SAMHD1: variants seen among roughly 807,000 people sequenced by gnomAD.
SAMHD1 encodes the protein deoxynucleoside triphosphate triphosphohydrolase SAMHD1.
A neutral mutation model predicts 79.6 loss-of-function variants in SAMHD1; 54 were observed. That is an observed-to-expected ratio of 0.68 (90% CI 0.55 to 0.85). The LOEUF (loss-of-function observed/expected upper bound fraction) is 0.85, where lower values mean the gene tolerates loss of function less well. Ranked by LOEUF, SAMHD1 falls within the 40% of genes least tolerant of loss-of-function variation. The pLI, the probability that SAMHD1 is intolerant of heterozygous loss-of-function variation, is 0.00. For missense variants in SAMHD1, 663 were observed against 782.7 expected (o/e 0.85, Z 1.82); for synonymous variants, 260 against 264.1 (o/e 0.98, Z 0.15).
intron 4 of SAMHD1, among the ~76,000 whole-genome samples, chr20:36,931,242 G>A (rs1191423582): frequency 2.0e-5 from 3 of 152,196 alleles, no homozygotes; most frequent in South Asian, 2.1e-4. Flanking sequence ...TAGCTGCCAT[G>A]GAAAACAGTA....
chr20:36,910,516 G>A (rs2063432128), intron 11 of SAMHD1, among the ~76,000 whole-genome samples: 1 of 151,952 alleles, frequency 6.6e-6, no homozygotes, highest in South Asian at 2.1e-4. Flanking sequence ...GATCACATGA[G>A]GTCAGGAGTT....
chr20:36,939,125 G>C lies in SAMHD1; in HGVS notation c.348+1914C>G, dbSNP rs528011077. Among the ~76,000 whole-genome samples the C allele has an allele frequency of 2.2e-3, 321 of 145,540 alleles. 3 individuals carry two copies. Among genetic ancestry groups the C allele is most frequent in the Non-Finnish European group, 2.1e-3 (141 of 66,600 alleles). ...AAAAATTAACTGGGCGTGGTGGCAG[G>C]TGCCTGTAATCCCAGCTACTCAGGA... On this transcript the variant is annotated intron_variant, in intron 3 of 15. Transcript: ENST00000646673.
Position 36,941,216 on chromosome 20 carries a change from G to T in SAMHD1, c.276-105C>A, listed in dbSNP as rs6030312. 0.36 allele frequency: 277,078 copies of T among 769,286 alleles called. 54,604 individuals carry two copies. The highest frequency in any genetic ancestry group is 0.65 in the African/African-American group (37,603 of 57,970). The allele number at this position is 769,286 out of a possible 1,614,324, so 47.7% of individuals were successfully genotyped here. On this transcript the variant is annotated intron_variant, in intron 2 of 15. Coordinates refer to ENST00000646673, the MANE Select transcript of SAMHD1 (RefSeq NM_015474.4). Reference sequence around the variant, plus strand: ...CTTTATATTATCTACACTAACAGAAGTTAGATTGGAAGGAACAATCAATAA... The same window carrying T: ...CTTTATATTATCTACACTAACAGAATTTAGATTGGAAGGAACAATCAATAA...
At chr20:36,935,752 G>T (rs944662168) in intron 3 of SAMHD1, among the ~76,000 whole-genome samples, 1 of 152,036 alleles carries the variant, frequency 6.6e-6, no homozygotes, top group Non-Finnish European at 1.5e-5. Context: ...TGTATTTTGA[G>T]TAGAGATGGG....
intron 1 of SAMHD1, among the ~76,000 whole-genome samples, chr20:36,950,890 A>C (rs545326514): frequency 1.3e-5 from 2 of 152,274 alleles, no homozygotes; most frequent in South Asian, 4.1e-4. Flanking sequence ...CCGAAACCTA[A>C]AAGCCCCAGA....
At position 36,940,765 on chromosome 20, in the gene SAMHD1, A is replaced by G. The variant is rs563542212; in HGVS notation, c.348+274T>C. ...TCTAATATTTTGCTCTAAAAATAACAGACTTGAAGCAAATTAGGCAAAATA... is the reference window on the plus strand; with the variant it reads ...TCTAATATTTTGCTCTAAAAATAACGGACTTGAAGCAAATTAGGCAAAATA... On this transcript the variant is annotated intron_variant, in intron 3 of 15. Coordinates refer to ENST00000646673, the MANE Select transcript of SAMHD1 (RefSeq NM_015474.4). The G allele has an allele frequency of 1.4e-5, 7 of 495,100 alleles. No homozygotes were observed. In the East Asian group the frequency reaches 2.6e-4, roughly 18 times the overall value. The allele number at this position is 495,100 out of a possible 1,614,324, so 30.7% of individuals were successfully genotyped here.
intron 9 of SAMHD1, 43 bp downstream of exon 9, chr20:36,916,679 C>T (rs760115442): frequency 1.9e-5 from 26 of 1,366,058 alleles, no homozygotes; most frequent in Admixed American, 5.0e-5. Context: ...AATTTCAGAC[C>T]AGGAACAACA....
In SAMHD1 at chr20:36,897,936, T is replaced by G. The variant is rs774073826; in HGVS notation, c.1632A>C (p.Lys544Asn). ...KNQVSQLLPE[K>N]FAEQLIRVYC... Reference sequence around the variant, plus strand: ...ATACTCGAATCAGCTGCTCTGCAAATTTCTCTGGCAGAAGTTGTGAAACCT... The same window carrying G: ...ATACTCGAATCAGCTGCTCTGCAAAGTTCTCTGGCAGAAGTTGTGAAACCT... The change falls in exon 15 of 16, where the codon AAA (lysine) becomes AAC (asparagine). Residue 544 changes from lysine to asparagine, a missense_variant. Lys to Asn is a moderately conservative substitution (Grantham distance 94). Transcript: ENST00000646673. 5.6e-6 allele frequency: 9 copies of G among 1,614,126 alleles called. No individual in the cohort carries two copies. The African/African-American group carries it at 1.1e-4, about 19-fold the overall frequency.
chr20:36,931,491 G>C (rs549975076), intron 4 of SAMHD1, among the ~76,000 whole-genome samples: 1 of 152,212 alleles, frequency 6.6e-6, no homozygotes, highest in African/African-American at 2.4e-5. Context: ...ACAAAAATTA[G>C]CTCAGCATGG....
intron 6 of SAMHD1, 57 bp downstream of exon 6, chr20:36,927,125 A>C (rs1179641890): frequency 1.4e-6 from 2 of 1,463,098 alleles, no homozygotes; most frequent in African/African-American, 2.8e-5. Context: ...AAATTAACTA[A>C]ATAACCTGCT....
At chr20:36,908,912 C>T (rs1391905767) in intron 11 of SAMHD1, among the ~76,000 whole-genome samples, 2 of 152,040 alleles carry the variant, frequency 1.3e-5, no homozygotes, top group Admixed American at 6.6e-5. Flanking sequence ...TCCACGGATT[C>T]TGTAAGCTAT....
intron 11 of SAMHD1, among the ~76,000 whole-genome samples, chr20:36,908,153 G>A (rs2148362615): frequency 6.6e-6 from 1 of 152,240 alleles, no homozygotes; most frequent in Non-Finnish European, 1.5e-5. Flanking sequence ...TGGGATTATA[G>A]GCGTGAGCCA....
chr20:36,941,337 T>C (rs906789890), intron 2 of SAMHD1, among the ~76,000 whole-genome samples: 4 of 152,128 alleles, frequency 2.6e-5, no homozygotes, highest in Non-Finnish European at 4.4e-5. Flanking sequence ...CAGCCTTCTG[T>C]CCTTGACCCT....
intron 14 of SAMHD1, 68 bp from the exon 15 acceptor site, chr20:36,898,027 G>A: frequency 1.3e-6 from 2 of 1,584,794 alleles, no homozygotes; most frequent in Non-Finnish European, 8.6e-7. Context: ...CTGGTCCCTA[G>A]GCTCCTAACT....
In SAMHD1 at chr20:36,899,860, C is replaced by T. The variant is rs542579425; in HGVS notation, c.1504-1316G>A. Among the ~76,000 whole-genome samples, 17 of 152,250 alleles carry T rather than the reference C, an allele frequency of 1.1e-4. 1 individual carries two copies. In the South Asian group the frequency reaches 3.3e-3, roughly 30 times the overall value. ...CCTGTAATCCCAGCACTTTGGGAGG[C>T]CGAAGCCAGCGGATCACGAGGTCAG... On this transcript the variant is annotated intron_variant, in intron 13 of 15. Coordinates refer to ENST00000646673, the MANE Select transcript of SAMHD1 (RefSeq NM_015474.4).
At chr20:36,893,782 T>G (rs1322057272) in intron 15 of SAMHD1, 4 of 397,412 alleles carry the variant, frequency 1.0e-5, no homozygotes, top group Admixed American at 4.4e-5. Flanking sequence ...TTCGTGCTCC[T>G]CATCTGCTTA....
rs535765219 is a variant in SAMHD1, at chr20:36,932,715, C to T, written c.510-1840G>A. Among the ~76,000 whole-genome samples, 9 of 151,734 alleles carry T rather than the reference C, an allele frequency of 5.9e-5. No individual in the cohort carries two copies. In the East Asian group the frequency reaches 1.7e-3, roughly 29 times the overall value. ...TCCAGGTGTGAGCCACTGCACCCGGCAAGTTTGGTTTTGTAAGATGATAAG... is the reference window on the plus strand; with the variant it reads ...TCCAGGTGTGAGCCACTGCACCCGGTAAGTTTGGTTTTGTAAGATGATAAG... On this transcript the variant is annotated intron_variant, in intron 4 of 15. Transcript: ENST00000646673.
chr20:36,939,075 CAA>C (rs1178988134), intron 3 of SAMHD1, among the ~76,000 whole-genome samples: 78 of 22,536 alleles, frequency 3.5e-3, no homozygotes, highest in South Asian at 0.01. Context: ...CTAAAAATAC[CAA>C]AAAAAAAAAA....
rs1990076914 is a variant in SAMHD1, at chr20:36,891,653, G to A, written c.*1279C>T. ...TACCTAGCGGAGCCTGGAGCCCACT[G>A]GGTGGTCACTAATTTCAGCACAGGC... On this transcript the variant is annotated 3_prime_UTR_variant, in exon 16 of 16. Coordinates refer to ENST00000646673, the MANE Select transcript of SAMHD1 (RefSeq NM_015474.4). 1 of 152,274 alleles carries A rather than the reference G, an allele frequency of 6.6e-6. No homozygotes were observed. Among genetic ancestry groups the A allele is most frequent in the Non-Finnish European group, 1.5e-5 (1 of 68,096 alleles). 9.4% of individuals were successfully genotyped at this position (152,274 alleles called of 1,614,324 possible).
Sources: allele counts gnomAD v4.1 joint callset (sites outside exome capture counted in the v4.1 genomes callset), GRCh38; gene constraint gnomAD v4.1.1; transcripts MANE v1.5; gene names NCBI Gene and HGNC (gene_info 2026-07-23, HGNC 2026-07-21).